The following RBFOX1 variants were observed in gnomAD, a reference collection of about 807,000 sequenced individuals.
RBFOX1 encodes the protein RNA binding fox-1 homolog 1.
RBFOX1 carries 8 observed loss-of-function variants against 57.7 expected under a neutral mutation model. The ratio of observed to expected loss-of-function variants is 0.14; its 90% CI spans 0.08 to 0.25. RBFOX1 has a LOEUF of 0.25. Ranked by LOEUF, RBFOX1 falls within the 10% of genes least tolerant of loss-of-function variation. The pLI, the probability that RBFOX1 is intolerant of heterozygous loss-of-function variation, is 1.00. For missense variants in RBFOX1, 611 were observed against 548.5 expected (o/e 1.11, Z -1.14); for synonymous variants, 326 against 222.4 (o/e 1.47, Z -4.15).
At chr16:7,052,399 G>A (rs1340266137) in intron 4 of RBFOX1, among the ~76,000 whole-genome samples, 1 of 152,152 alleles carries the variant, frequency 6.6e-6, no homozygotes, top group Non-Finnish European at 1.5e-5. Flanking sequence ...CGAGGTCTAA[G>A]TAATAACAAA....
chr16:5,426,426 A>G (rs1021169108), intron 1 of RBFOX1, among the ~76,000 whole-genome samples: 2 of 152,118 alleles, frequency 1.3e-5, no homozygotes, highest in Non-Finnish European at 2.9e-5. Context: ...AAAGACTAAA[A>G]CCGTACCCAG....
chr16:5,726,184 C>G (rs927682347), intron 3 of RBFOX1, among the ~76,000 whole-genome samples: 2 of 151,728 alleles, frequency 1.3e-5, no homozygotes, highest in African/African-American at 4.8e-5. Context: ...CTGTAGAGGC[C>G]TTTGCGAATC....
chr16:6,256,158 T>C (rs1210597461), intron 1 of RBFOX1, among the ~76,000 whole-genome samples: 1 of 37,456 alleles, frequency 2.7e-5, no homozygotes, highest in African/African-American at 1.1e-4. Flanking sequence ...TATATATATA[T>C]GTATATATAT....
At chr16:5,749,497 G>C (rs868260919) in intron 3 of RBFOX1, among the ~76,000 whole-genome samples, 1 of 152,126 alleles carries the variant, frequency 6.6e-6, no homozygotes, top group Non-Finnish European at 1.5e-5. Flanking sequence ...TCACTTTCAG[G>C]TACACCAATC....
chr16:5,974,113 A>C (rs1014185246), intron 4 of RBFOX1, among the ~76,000 whole-genome samples: 8 of 152,208 alleles, frequency 5.3e-5, no homozygotes, highest in Non-Finnish European at 1.0e-4. Context: ...CCCAGTGAGA[A>C]TAGAATACAT....
chr16:7,213,519 C>T lies in RBFOX1; in HGVS notation c.27+161421C>T, dbSNP rs1015329899. 2.0e-5 allele frequency among the ~76,000 whole-genome samples: 3 copies of T among 151,398 alleles called. No individual in the cohort carries two copies. The South Asian group carries it at 6.3e-4, about 32-fold the overall frequency. On this transcript the variant is annotated intron_variant, in intron 4 of 15. Transcript: ENST00000550418. ...ATGAGTATTTAGTAAAGATGTGGTGCATGGCTTTTCCTAATTCTCAAAGGG... is the reference window on the plus strand; with the variant it reads ...ATGAGTATTTAGTAAAGATGTGGTGTATGGCTTTTCCTAATTCTCAAAGGG...
chr16:5,371,481 A>G (rs2065855312), intron 1 of RBFOX1, among the ~76,000 whole-genome samples: 1 of 152,222 alleles, frequency 6.6e-6, no homozygotes, highest in South Asian at 2.1e-4. Context: ...TCCAGCCTCC[A>G]GGACTGTGCA....
chr16:6,890,328 G>A (rs1341652074), intron 3 of RBFOX1, among the ~76,000 whole-genome samples: 3 of 152,094 alleles, frequency 2.0e-5, no homozygotes, highest in African/African-American at 7.2e-5. Flanking sequence ...AGACCAGCCT[G>A]GCCTACAAGG....
At chr16:7,489,228 C>G (rs947968367) in intron 4 of RBFOX1, among the ~76,000 whole-genome samples, 2 of 152,068 alleles carry the variant, frequency 1.3e-5, no homozygotes, top group African/African-American at 4.8e-5. Context: ...GTAACTGATA[C>G]CTTTTTTTAA....
intron 1 of RBFOX1, among the ~76,000 whole-genome samples, chr16:5,454,958 CCTTTCTTTCTTT>C (rs1169954657): frequency 0.021 from 625 of 30,298 alleles, 9 homozygotes; most frequent in Non-Finnish European, 0.022. Flanking sequence ...TTCCTTCCTT[CCTTTCTTTCTTT>C]CTTTCTTTCT....
intron 3 of RBFOX1, among the ~76,000 whole-genome samples, chr16:5,739,063 C>A (rs890836342): frequency 1.3e-5 from 2 of 152,216 alleles, no homozygotes; most frequent in African/African-American, 4.8e-5. Flanking sequence ...TCTTGAAACA[C>A]CTTGAAATCT....
chr16:5,482,540 A>G (rs148314471), intron 2 of RBFOX1, among the ~76,000 whole-genome samples: 3 of 152,334 alleles, frequency 2.0e-5, no homozygotes, highest in African/African-American at 7.2e-5. Flanking sequence ...ACTTAATGCA[A>G]ATCTAATTTT....
chr16:7,336,166 A>G (rs1433388014), intron 4 of RBFOX1, among the ~76,000 whole-genome samples: 1 of 152,218 alleles, frequency 6.6e-6, no homozygotes, highest in African/African-American at 2.4e-5. Flanking sequence ...TGCCCAAGTC[A>G]GCCTCGAGTC....
rs552668295 is a variant in RBFOX1 at position 7,270,224 on chromosome 16, G to A, written c.27+218126G>A. Among the ~76,000 whole-genome samples, 10 of 152,334 alleles carry A rather than the reference G, an allele frequency of 6.6e-5. No individual in the cohort carries two copies. In the East Asian group the frequency reaches 1.9e-3, roughly 29 times the overall value. The stretch of plus-strand genomic sequence containing the variant: ...CCAGGCAGGAGCAGGAACCTGAGAG[G>A]ACCTTCTCAGTTAGGTGTGAAATAG... On this transcript the variant is annotated intron_variant, in intron 4 of 15. Coordinates refer to ENST00000550418, the MANE Select transcript of RBFOX1 (RefSeq NM_018723.4).
chr16:5,561,364 A>G (rs955401432), intron 2 of RBFOX1, among the ~76,000 whole-genome samples: 1 of 152,256 alleles, frequency 6.6e-6, no homozygotes, highest in African/African-American at 2.4e-5. Flanking sequence ...AAGGGGACCT[A>G]TAGCTTCATT....
chr16:7,159,838 A>C (rs1271994661), intron 4 of RBFOX1, among the ~76,000 whole-genome samples: 1 of 152,196 alleles, frequency 6.6e-6, no homozygotes. Flanking sequence ...TGTAGTTTGC[A>C]TACTTGGAAT....
rs1192496608 is a variant in RBFOX1, at chr16:5,856,575, G to GTGTATATATATATATATATATATA, written c.319-10727_319-10726insGTATATATATATATATATATATAT. On this transcript the variant is annotated intron_variant, in intron 3 of 19. Coordinates refer to the RBFOX1 transcript ENST00000641259. ...TGTGTGTGTGTGTATGTGTGTGTGT[G>GTGTATATATATATATATATATATA]TATATATATATATATATATATATAT... is the stretch of plus-strand genomic sequence containing the variant. Among the ~76,000 whole-genome samples the GTGTATATATATATATATATATATA allele has an allele frequency of 3.5e-3, 114 of 32,794 alleles. 4 individuals carry two copies. Among genetic ancestry groups the GTGTATATATATATATATATATATA allele is most frequent in the Non-Finnish European group, 5.4e-3 (94 of 17,294 alleles). The allele number at this position is 32,794 out of a possible 152,430, so 21.5% of individuals were successfully genotyped here.
intron 3 of RBFOX1, among the ~76,000 whole-genome samples, chr16:5,719,630 T>C (rs2051853371): frequency 6.6e-6 from 1 of 152,162 alleles, no homozygotes; most frequent in African/African-American, 2.4e-5. Context: ...ACTTGCCTAT[T>C]CTAGATATTT....
intron 4 of RBFOX1, among the ~76,000 whole-genome samples, chr16:7,302,010 T>G (rs909766538): frequency 4.6e-5 from 7 of 152,198 alleles, no homozygotes; most frequent in Non-Finnish European, 8.8e-5. Flanking sequence ...TGACCTCTGA[T>G]GCAACGTACA....
Sources: gnomAD v4.1 joint callset for allele counts (sites outside exome capture counted in the v4.1 genomes callset) on GRCh38, gnomAD v4.1.1 for gene constraint, MANE v1.5 for transcripts, NCBI Gene and HGNC (gene_info 2026-07-23, HGNC 2026-07-21) for gene names.